The following RER1 variants were observed in gnomAD, a reference collection of about 807,000 sequenced individuals.
RER1 encodes protein RER1.
RER1 carries 6 observed loss-of-function variants against 28.3 expected under a neutral mutation model. The ratio of observed to expected loss-of-function variants is 0.21; its 90% CI spans 0.12 to 0.42. The LOEUF (loss-of-function observed/expected upper bound fraction) is 0.42, where lower values mean the gene tolerates loss of function less well. Among genes scored for constraint, RER1 ranks in the 10% least tolerant of loss-of-function variants. RER1 has a pLI of 1.00. For missense variants in RER1, 159 were observed against 252.9 expected, an observed-to-expected ratio of 0.63 and a Z score of 2.52; for synonymous variants, 110 against 95.9, an observed-to-expected ratio of 1.15 and a Z score of -0.86.
At position 2,402,353 on chromosome 1, in the gene RER1, G is replaced by A. The variant is rs371756627; in HGVS notation, c.501+11G>A. ...AAGAGGCAAATCAAGGTAAAGCAGA[G>A]GCGCTGCCGCCACGCCGGCCGCAAT... On this transcript the variant is annotated intron_variant, in intron 6 of 6. Transcript: ENST00000605895. The A allele has an allele frequency of 1.9e-6, 3 of 1,613,802 alleles. No homozygotes were observed. The highest frequency in any genetic ancestry group is 2.5e-6 in the Non-Finnish European group (3 of 1,179,854).
At chr1:2,396,987 C>A (rs998581428) in intron 2 of RER1, 129 bp from the exon 3 acceptor site, 1 of 590,316 alleles carries the variant, frequency 1.7e-6, no homozygotes, top group Non-Finnish European at 3.1e-6. Flanking sequence ...TGATCTCTTG[C>A]TATTTTAACT....
chr1:2,396,023 T>G, intron 2 of RER1, 152 bp downstream of exon 2: 1 of 673,632 alleles, frequency 1.5e-6, no homozygotes, highest in Non-Finnish European at 2.7e-6. Flanking sequence ...CTCTTCACTG[T>G]GAAGGGCCAG....
At chr1:2,401,162 C>T (rs887086912) in intron 5 of RER1, among the ~76,000 whole-genome samples, 6 of 151,766 alleles carry the variant, frequency 4.0e-5, no homozygotes, top group Non-Finnish European at 7.4e-5. Flanking sequence ...GGAGTGCGCA[C>T]CGGCTTCTGT....
At chr1:2,398,617 G>T (rs1312830219) in intron 3 of RER1, among the ~76,000 whole-genome samples, 1 of 152,248 alleles carries the variant, frequency 6.6e-6, no homozygotes, top group Non-Finnish European at 1.5e-5. Context: ...TTGAACTCCT[G>T]ACCTCAGGTG....
At position 2,398,561 on chromosome 1, in the gene RER1, GTA is replaced by G. The variant is rs200527946; in HGVS notation, c.187-852_187-851del. 8.7e-3 allele frequency among the ~76,000 whole-genome samples: 1,319 copies of G among 152,192 alleles called. 12 individuals carry two copies. The highest frequency in any genetic ancestry group is 0.03 in the African/African-American group (1,257 of 41,514). The stretch of plus-strand genomic sequence containing the variant: ...GTGCCACCATGCCTGGCTAATTTTT[GTA>G]TTTTTAGTAGAGACGAGGTTTCACC... On this transcript the variant is annotated intron_variant, in intron 3 of 6. Transcript: ENST00000605895.
intron 2 of RER1, chr1:2,396,220 T>C: frequency 3.3e-6 from 1 of 300,480 alleles, no homozygotes; most frequent in Non-Finnish European, 6.5e-6. Flanking sequence ...TCCCCGGTGC[T>C]GGTAGCCCCA....
chr1:2,402,406 G>T, intron 6 of RER1, 64 bp downstream of exon 6: 1 of 1,606,242 alleles, frequency 6.2e-7, no homozygotes, highest in South Asian at 1.1e-5. Flanking sequence ...CAGCATTGGG[G>T]GAGCTGTGCT....
At chr1:2,398,259 C>T (rs1642797684) in intron 3 of RER1, among the ~76,000 whole-genome samples, 1 of 152,202 alleles carries the variant, frequency 6.6e-6, no homozygotes, top group Admixed American at 6.5e-5. Flanking sequence ...TTAGCCCTCA[C>T]ATCCGGCGTT....
At chr1:2,400,638 T>C (rs536241454) in intron 4 of RER1, among the ~76,000 whole-genome samples, 45 of 152,352 alleles carry the variant, frequency 3.0e-4, no homozygotes, top group Admixed American at 8.5e-4. Context: ...ATTGAAAACG[T>C]GTGGAAGTCT....
At chr1:2,397,082 C>T (rs780871811) in intron 2 of RER1, 34 bp from the exon 3 acceptor site, 3 of 1,464,436 alleles carry the variant, frequency 2.0e-6, no homozygotes, top group African/African-American at 1.4e-5. Flanking sequence ...AGTTACAGGA[C>T]CTGCTTCATG....
At position 2,395,880 on chromosome 1, in the gene RER1, G is replaced by T. The variant is rs1354584560; in HGVS notation, c.81+9G>T. 2.5e-6 allele frequency: 4 copies of T among 1,602,870 alleles called. No individual in the cohort carries two copies. In the South Asian group the frequency reaches 3.3e-5, roughly 13 times the overall value. On this transcript the variant is annotated intron_variant, in intron 2 of 6. Transcript: ENST00000605895. ...TCACAAGACTTGGACAGGTTGGTGG[G>T]TTTTTTAGTAGATGAGTATAAATAT...
At chr1:2,400,219 C>A (rs550330872) in intron 4 of RER1, among the ~76,000 whole-genome samples, 1 of 152,360 alleles carries the variant, frequency 6.6e-6, no homozygotes, top group South Asian at 2.1e-4. Flanking sequence ...TCTGGGGGAA[C>A]CTGCTGTCAG....
In RER1 at chr1:2,396,650, CAT is replaced by C. The variant is rs202151586; in HGVS notation, c.82-465_82-464del. ...GTCCACAGCCGCCTGGACGCACACA[CAT>C]GTGGGTGTGGCTGCTGGGGCTCAGG... On this transcript the variant is annotated intron_variant, in intron 2 of 6. Coordinates refer to ENST00000605895, the MANE Select transcript of RER1 (RefSeq NM_007033.5). Among the ~76,000 whole-genome samples, 520 of 152,362 alleles carry C rather than the reference CAT, an allele frequency of 3.4e-3. 3 individuals carry two copies. Among genetic ancestry groups the C allele is most frequent in the African/African-American group, 0.011 (472 of 41,574 alleles).
chr1:2,399,102 C>A (rs1385901727), intron 3 of RER1, among the ~76,000 whole-genome samples: 1 of 152,176 alleles, frequency 6.6e-6, no homozygotes, highest in Non-Finnish European at 1.5e-5. Context: ...GAAAAGCCTC[C>A]TTTTCTGCTG....
chr1:2,395,590 G>A (rs1439817289), intron 1 of RER1, 194 bp from the exon 2 acceptor site: 9 of 577,250 alleles, frequency 1.6e-5, no homozygotes, highest in South Asian at 1.2e-4. Context: ...TGCGTCTCAC[G>A]CTGCCCTTCC....
At position 2,403,946 on chromosome 1, in the gene RER1, A is replaced by G. The variant is rs993104103; in HGVS notation, c.*822A>G. Reference sequence around the variant, plus strand: ...GCATGTCAGCGTTTTTGATTCGAGAAAAGAAATACTCTCAACGTTTTACCA... The same window carrying G: ...GCATGTCAGCGTTTTTGATTCGAGAGAAGAAATACTCTCAACGTTTTACCA... On this transcript the variant is annotated 3_prime_UTR_variant, in exon 7 of 7. Coordinates refer to ENST00000605895, the MANE Select transcript of RER1 (RefSeq NM_007033.5). 2.0e-4 allele frequency: 31 copies of G among 152,318 alleles called. No homozygotes were observed. The highest frequency in any genetic ancestry group is 7.2e-4 in the African/African-American group (30 of 41,456). The allele number at this position is 152,318 out of a possible 1,614,324, so 9.4% of individuals were successfully genotyped here. A position where few individuals can be genotyped will look rare whatever the true frequency, so the allele number is the denominator to read the frequency against.
intron 1 of RER1, 63 bp from the exon 2 acceptor site, chr1:2,395,721 A>G: frequency 8.7e-7 from 1 of 1,153,918 alleles, no homozygotes; most frequent in African/African-American, 1.5e-5. Context: ...TGGTGAAAAT[A>G]GGGCCAGGAT....
intron 6 of RER1, among the ~76,000 whole-genome samples, chr1:2,402,764 C>A (rs759953031): frequency 3.3e-5 from 5 of 152,198 alleles, no homozygotes; most frequent in Non-Finnish European, 5.9e-5. Flanking sequence ...GTGTTGGCTG[C>A]AGAGAGGGCC....
At chr1:2,401,805 G>C in intron 5 of RER1, 1 of 504,186 alleles carries the variant, frequency 2.0e-6, no homozygotes, top group African/African-American at 1.9e-5. Flanking sequence ...TGTTGGCCAT[G>C]TGCTGGGACG....
Sources: gnomAD v4.1 joint callset for allele counts (sites outside exome capture counted in the v4.1 genomes callset) on GRCh38, gnomAD v4.1.1 for gene constraint, MANE v1.5 for transcripts, NCBI Gene and HGNC (gene_info 2026-07-23, HGNC 2026-07-21) for gene names.